MAP3K20: variants seen among roughly 807,000 people sequenced by gnomAD.
MAP3K20 encodes the protein HCCS-4.
MAP3K20 carries 40 observed loss-of-function variants against 85.7 expected under a neutral mutation model. The observed-to-expected ratio is 0.47, with a 90% CI of 0.36 to 0.61. The LOEUF (loss-of-function observed/expected upper bound fraction) is 0.61, where lower values mean the gene tolerates loss of function less well. MAP3K20 is among the 20% of genes least tolerant of loss of function. The pLI is 0.00. For synonymous variants in MAP3K20, 325 were observed against 327.7 expected, an observed-to-expected ratio of 0.99 and a Z score of 0.09; for missense variants, 817 against 961.7, an observed-to-expected ratio of 0.85 and a Z score of 1.99.
At chr2:173,264,002 T>A (rs1395922844) in intron 19 of MAP3K20, 107 bp downstream of exon 19, 29 of 1,438,356 alleles carry the variant, frequency 2.0e-5, no homozygotes, top group Non-Finnish European at 2.5e-5. Flanking sequence ...TCAGTTAAGA[T>A]CTATCTTTGA....
At chr2:173,187,415 T>C (rs1041220775) in intron 4 of MAP3K20, 143 bp from the exon 5 acceptor site, 5 of 628,456 alleles carry the variant, frequency 8.0e-6, no homozygotes, top group South Asian at 2.5e-5. Flanking sequence ...TGTAGACATA[T>C]TCTGTTTTCA....
At chr2:173,169,928 A>G (rs774368100) in intron 3 of MAP3K20, 36 bp downstream of exon 3, 24 of 1,577,934 alleles carry the variant, frequency 1.5e-5, no homozygotes, top group Non-Finnish European at 2.0e-5. Context: ...TCTTTTTCCA[A>G]TTACCTAGCT....
In MAP3K20 at chr2:173,263,631, G is replaced by A. The variant is rs566010720; in HGVS notation, c.1552-114G>A. Reference sequence around the variant, plus strand: ...TGATAGTGTTCTAAGAGGTGAAACTGAAGTGATATAATAACCTGGATGACT... The same window carrying A: ...TGATAGTGTTCTAAGAGGTGAAACTAAAGTGATATAATAACCTGGATGACT... On this transcript the variant is annotated intron_variant, in intron 18 of 19. Coordinates refer to ENST00000375213, the MANE Select transcript of MAP3K20 (RefSeq NM_016653.3). 4.2e-3 allele frequency: 4,301 copies of A among 1,034,044 alleles called. 17 individuals are homozygous for A. Among genetic ancestry groups the A allele is most frequent in the Non-Finnish European group, 5.3e-3 (3,743 of 712,456 alleles). 64.1% of individuals were successfully genotyped at this position (1,034,044 alleles called of 1,614,324 possible). A position where few individuals can be genotyped will look rare whatever the true frequency, so the allele number is the denominator to read the frequency against.
chr2:173,222,038 A>C (rs1684266840), intron 11 of MAP3K20: 1 of 970,222 alleles, frequency 1.0e-6, no homozygotes, highest in Admixed American at 6.2e-5. Context: ...CCTCGTCTCT[A>C]CTAATAATTA....
At chr2:173,105,249 G>A (rs1687750923) in intron 2 of MAP3K20, among the ~76,000 whole-genome samples, 1 of 152,200 alleles carries the variant, frequency 6.6e-6, no homozygotes, top group Admixed American at 6.5e-5. Flanking sequence ...TCTGGGGCTA[G>A]GAAGGTTGCA....
chr2:173,122,969 G>A (rs939827591), intron 2 of MAP3K20, among the ~76,000 whole-genome samples: 9 of 152,192 alleles, frequency 5.9e-5, no homozygotes, highest in African/African-American at 2.2e-4. Flanking sequence ...GTTTTTCAGA[G>A]ATGCAGCGCT....
intron 12 of MAP3K20, 69 bp from the exon 13 acceptor site, chr2:173,232,123 G>A: frequency 6.3e-7 from 1 of 1,580,698 alleles, no homozygotes; most frequent in Non-Finnish European, 8.7e-7. Flanking sequence ...AAAACTCTAT[G>A]TTTACTGTGA....
chr2:173,140,697 C>A (rs1184232580), intron 2 of MAP3K20, among the ~76,000 whole-genome samples: 2 of 152,094 alleles, frequency 1.3e-5, no homozygotes, highest in South Asian at 2.1e-4. Flanking sequence ...AATACTATTC[C>A]CCCCATAAAA....
chr2:173,075,531 A>T (rs1314697680), upstream of MAP3K20: 1 of 157,746 alleles, frequency 6.3e-6, no homozygotes, highest in Non-Finnish European at 1.4e-5. Flanking sequence ...AACAGCCTCT[A>T]TTTCTTTGCG....
At chr2:173,148,538 A>G (rs1290389128) in intron 2 of MAP3K20, among the ~76,000 whole-genome samples, 1 of 152,192 alleles carries the variant, frequency 6.6e-6, no homozygotes, top group Non-Finnish European at 1.5e-5. Context: ...CCTTGAGCAG[A>G]CCTTCATAAA....
At chr2:173,252,598 G>C (rs1338419146) in intron 16 of MAP3K20, among the ~76,000 whole-genome samples, 1 of 152,178 alleles carries the variant, frequency 6.6e-6, no homozygotes, top group Non-Finnish European at 1.5e-5. Context: ...CTAGCTAGTG[G>C]AAAGTTCCGG....
At chr2:173,100,685 G>T (rs1228755747) in intron 2 of MAP3K20, among the ~76,000 whole-genome samples, 3 of 152,136 alleles carry the variant, frequency 2.0e-5, no homozygotes, top group Admixed American at 2.0e-4. Flanking sequence ...TAGGGTTCCT[G>T]ATGTCTGGTT....
rs1689948653 is a variant in MAP3K20 at position 173,169,846 on chromosome 2, GT to G, written c.205del (p.Tyr69MetfsTer3). The G allele has an allele frequency of 6.2e-7, 1 of 1,613,840 alleles. No homozygotes were observed. Among genetic ancestry groups the G allele is most frequent in the Non-Finnish European group, 8.5e-7 (1 of 1,179,968 alleles). ...TCCTCAGTCACAGAAACATCATCCA[GT>G]TTTATGGAGTAATTCTTGAACCTCC... ...SVLSHRNIIQFYGVILEPPNY... is the reference protein window; with the variant it reads ...SVLSHRNIIQXYGVILEPPNY... On this transcript the variant is annotated frameshift_variant, in exon 3 of 20. Transcript: ENST00000375213. LOFTEE classifies it high-confidence loss of function.
At chr2:173,214,122 T>C (rs1330842126) in intron 10 of MAP3K20, among the ~76,000 whole-genome samples, 1 of 152,244 alleles carries the variant, frequency 6.6e-6, no homozygotes, top group African/African-American at 2.4e-5. Flanking sequence ...TTTAGAAAAC[T>C]GAATGGTTAT....
At chr2:173,212,109 G>C (rs1303785070) in intron 10 of MAP3K20, 3 of 152,122 alleles carry the variant, frequency 2.0e-5, no homozygotes, top group Non-Finnish European at 2.9e-5. Context: ...AAGAGATTGT[G>C]ATATTATACA....
intron 17 of MAP3K20, 46 bp from the exon 18 acceptor site, chr2:173,261,017 G>A (rs1574167786): frequency 2.5e-6 from 4 of 1,573,892 alleles, no homozygotes; most frequent in Non-Finnish European, 3.5e-6. Flanking sequence ...CTATAGTAGA[G>A]CAGACTGTGT....
chr2:173,153,844 TGTAA>T (rs1366777907), intron 2 of MAP3K20, among the ~76,000 whole-genome samples: 1 of 152,244 alleles, frequency 6.6e-6, no homozygotes, highest in Admixed American at 6.5e-5. Flanking sequence ...GTAAATGCTC[TGTAA>T]GTAATTCTTA....
At chr2:173,126,635 C>T (rs1265471055) in intron 2 of MAP3K20, among the ~76,000 whole-genome samples, 1 of 152,220 alleles carries the variant, frequency 6.6e-6, no homozygotes, top group Non-Finnish European at 1.5e-5. Context: ...CCACCTCGGC[C>T]TCCCAAAGTG....
At chr2:173,128,605 T>G (rs1688516166) in intron 2 of MAP3K20, among the ~76,000 whole-genome samples, 1 of 152,116 alleles carries the variant, frequency 6.6e-6, no homozygotes, top group Admixed American at 6.5e-5. Flanking sequence ...GTGCTGGGAT[T>G]ACAGGTTTGA....
Sources: allele counts gnomAD v4.1 joint callset (sites outside exome capture counted in the v4.1 genomes callset), GRCh38; gene constraint gnomAD v4.1.1; transcripts MANE v1.5; gene names NCBI Gene and HGNC (gene_info 2026-07-23, HGNC 2026-07-21).